Variants in PPP1R10 observed in about 807,000 individuals in gnomAD.
PPP1R10 encodes protein phosphatase 1 regulatory subunit 10.
Under a neutral mutation model 99.0 loss-of-function variants are expected in PPP1R10, and 15 were observed. The observed-to-expected ratio is 0.15, with a 90% confidence interval of 0.10 to 0.23. The LOEUF is 0.23. Among genes scored for constraint, PPP1R10 ranks in the 10% least tolerant of loss-of-function variants. The pLI, the probability that PPP1R10 is intolerant of heterozygous loss-of-function variation, is 1.00. For synonymous variants in PPP1R10, 430 were observed against 449.5 expected (o/e 0.96, Z 0.55); for missense variants, 947 against 1,259.4 (o/e 0.75, Z 3.75).
rs927051465 is a variant in PPP1R10, at chr6:30,608,839, G to A, written c.270C>T (p.Leu90=). The A allele has an allele frequency of 1.2e-6, 2 of 1,613,988 alleles. No individual in the cohort carries two copies. Among genetic ancestry groups the A allele is most frequent in the Admixed American group, 1.7e-5 (1 of 60,000 alleles). Residue 90 remains leucine (L), a synonymous_variant, in exon 5 of 20, where the codon CTC becomes CTT. Transcript: ENST00000376511. The stretch of plus-strand genomic sequence containing the variant: ...GCAGGGTCAGTAGAATTTGCTGGAG[G>A]AGGGGAATGTTGTTGGTTGTCTTTG... ...TYSKTTNNIP[L]LQQILLTLQH...
rs201013050 is a variant in PPP1R10 at position 30,603,536 on chromosome 6, C to A, written c.1703G>T (p.Gly568Val). Residue 568 changes from glycine to valine, a missense_variant, in exon 16 of 20, where the codon GGA (glycine) becomes GTA (valine). Gly to Val is a moderately radical substitution (Grantham distance 109). Coordinates refer to ENST00000376511, the MANE Select transcript of PPP1R10 (RefSeq NM_002714.4). ...LANLMGSMGA[G>V]KGPQGPGGGG... Reference sequence around the variant, plus strand: ...TCCTCCAGGGCCTTGGGGGCCCTTTCCAGCACCCATGCTTCCCATAAGATT... The same window carrying A: ...TCCTCCAGGGCCTTGGGGGCCCTTTACAGCACCCATGCTTCCCATAAGATT... 11 of 1,614,024 alleles carry A rather than the reference C, an allele frequency of 6.8e-6. No individual in the cohort carries two copies. Among genetic ancestry groups the A allele is most frequent in the African/African-American group, 1.3e-5 (1 of 75,018 alleles).
chr6:30,601,619 TTCA>T lies in PPP1R10; in HGVS notation c.2750_2752del (p.Met917del). The T allele has an allele frequency of 6.2e-7, 1 of 1,614,060 alleles. No homozygotes were observed. Among genetic ancestry groups the T allele is most frequent in the Non-Finnish European group, 8.5e-7 (1 of 1,179,996 alleles). ...GTTGTTCTCATAGCGGCAGTTGCCC[TTCA>T]TCATGAAATGTCGGCAGACAGGGCG... On this transcript the variant is annotated inframe_deletion, in exon 20 of 20. Coordinates refer to ENST00000376511, the MANE Select transcript of PPP1R10 (RefSeq NM_002714.4).
chr6:30,603,593 G>C lies in PPP1R10; in HGVS notation c.1646C>G (p.Ala549Gly), dbSNP rs747594377. ...PGGSGGSPDG[A>G]GGSKLPPVLA... is the part of the protein sequence containing the mutation. ...AACTGGAGGCAACTTGGAGCCTCCT[G>C]CCCCATCAGGTGAGCCACCTGACCC... The change falls in exon 16 of 20, where the codon GCA (alanine) becomes GGA (glycine). Residue 549 changes from alanine to glycine, a missense_variant. Around this residue, in one of 10 missense-constraint regions of PPP1R10, gnomAD observed 525 missense variants for 578.8 expected, o/e 0.91. Transcript: ENST00000376511. 1.2e-6 allele frequency: 2 copies of C among 1,613,996 alleles called. No individual in the cohort carries two copies. The highest frequency in any genetic ancestry group is 1.7e-6 in the Non-Finnish European group (2 of 1,179,980).
intron 17 of PPP1R10, 78 bp downstream of exon 17, chr6:30,603,132 C>G (rs115572251): frequency 6.6e-7 from 1 of 1,511,026 alleles, no homozygotes; most frequent in African/African-American, 1.4e-5. Flanking sequence ...TATTCTTCTG[C>G]ATCTTTGAAA....
Position 30,601,002 on chromosome 6 carries a change from G to A in PPP1R10, c.*547C>T, listed in dbSNP as rs1803254829. The A allele has an allele frequency of 6.5e-6, 1 of 153,234 alleles. No individual in the cohort carries two copies. The highest frequency in any genetic ancestry group is 6.5e-5 in the Admixed American group (1 of 15,362). The allele number at this position is 153,234 out of a possible 1,614,324, so 9.5% of individuals were successfully genotyped here. Reference sequence around the variant, plus strand: ...AGAATGGTGAGCCCACGCTGGGGGAGGGGTGGGGATGATGTGTGTTCCAGA... The same window carrying A: ...AGAATGGTGAGCCCACGCTGGGGGAAGGGTGGGGATGATGTGTGTTCCAGA... On this transcript the variant is annotated 3_prime_UTR_variant, in exon 20 of 20. Transcript: ENST00000376511.
Position 30,601,436 on chromosome 6 carries a change from G to A in PPP1R10, c.*113C>T. On this transcript the variant is annotated 3_prime_UTR_variant, in exon 20 of 20. Transcript: ENST00000376511. Reference sequence around the variant, plus strand: ...AAGCAAGTGGGAACTGAGGGGGCCGGCTCCTCATCAGCTGGGGAAAAGGGA... The same window carrying A: ...AAGCAAGTGGGAACTGAGGGGGCCGACTCCTCATCAGCTGGGGAAAAGGGA... 2.3e-6 allele frequency: 2 copies of A among 852,272 alleles called. No homozygotes were observed. The highest frequency in any genetic ancestry group is 3.7e-6 in the Non-Finnish European group (2 of 537,812). 52.8% of individuals were successfully genotyped at this position (852,272 alleles called of 1,614,324 possible).
Position 30,602,904 on chromosome 6 carries a change from AC to A in PPP1R10, c.1898del (p.Gly633ValfsTer284). 1 of 1,531,796 alleles carries A rather than the reference AC, an allele frequency of 6.5e-7. No homozygotes were observed. Among genetic ancestry groups the A allele is most frequent in the Non-Finnish European group, 8.8e-7 (1 of 1,130,310 alleles). 94.9% of individuals were successfully genotyped at this position (1,531,796 alleles called of 1,614,324 possible). ...GPIANGFPPGGPGGPKGMQHF... is the reference protein window; with the variant it reads ...GPIANGFPPGXPGGPKGMQHF... The stretch of plus-strand genomic sequence containing the variant: ...GCTGCATGCCCTTGGGGCCCCCAGG[AC>A]CCCCTGGTGGGAAACCATTGGCTAT... On this transcript the variant is annotated frameshift_variant, in exon 18 of 20. Coordinates refer to ENST00000376511, the MANE Select transcript of PPP1R10 (RefSeq NM_002714.4). LOFTEE classifies it high-confidence loss of function. The surrounding 1 kb of genome is among the most constrained non-coding windows in gnomAD (Gnocchi z 6.7).
rs760596999 is a variant in PPP1R10 at position 30,606,784 on chromosome 6, G to A, written c.455C>T (p.Pro152Leu). The change falls in exon 7 of 20, where the codon CCT becomes CTT. Residue 152 changes from proline to leucine, a missense_variant. Physicochemically the swap from Pro to Leu is moderately conservative, Grantham distance 98. This residue lies in a region of PPP1R10 where 92 missense variants were observed against 159.2 expected (regional missense o/e 0.58). Coordinates refer to ENST00000376511, the MANE Select transcript of PPP1R10 (RefSeq NM_002714.4). This position sits in a 1 kb window ranked among gnomAD's most constrained non-coding sequence, Gnocchi z 6.3. ...TAAAGGACTAAGGAGCTTACCAGCA[G>A]GCTGGGTACTGCTCTGAGAGCGGAT... Reference protein sequence around the residue: ...AVIRSQSSTQPAEKDKKKRKD... With the variant: ...AVIRSQSSTQLAEKDKKKRKD... 4.0e-5 allele frequency: 64 copies of A among 1,613,980 alleles called. No individual in the cohort carries two copies. The highest frequency in any genetic ancestry group is 5.4e-5 in the Non-Finnish European group (64 of 1,179,858).
intron 17 of PPP1R10, 35 bp downstream of exon 17, chr6:30,603,175 T>TC (rs1232261293): frequency 3.2e-6 from 5 of 1,576,602 alleles, no homozygotes; most frequent in Non-Finnish European, 4.4e-6. Context: ...GCAGGCTTCC[T>TC]CCCCCAGTCC....
intron 17 of PPP1R10, 79 bp from the exon 18 acceptor site, chr6:30,603,038 G>A (rs1803535669): frequency 1.4e-6 from 2 of 1,416,650 alleles, no homozygotes; most frequent in Admixed American, 4.3e-5. Context: ...GCAACCAACT[G>A]ACCCTCTCAA....
chr6:30,602,715 AC>A lies in PPP1R10; in HGVS notation c.1958-25del, dbSNP rs777636941. ...ACCTGTAAGGGGACAAAAAAGAGAG[AC>A]AGTATCAGCTACCAGGAACTGCCAT... On this transcript the variant is annotated intron_variant, in intron 18 of 19. Transcript: ENST00000376511. The surrounding 1 kb of genome is among the most constrained non-coding windows in gnomAD (Gnocchi z 6.7). 1.9e-6 allele frequency: 3 copies of A among 1,601,956 alleles called. No individual in the cohort carries two copies. Among genetic ancestry groups the A allele is most frequent in the Non-Finnish European group, 2.6e-6 (3 of 1,175,292 alleles).
rs956129706 is a variant in PPP1R10, at chr6:30,607,729, G to A, written c.382+111C>T. On this transcript the variant is annotated intron_variant, in intron 6 of 19. Transcript: ENST00000376511. ...TTAAAAGAAGGAAAAAAAGCAAGGT[G>A]AGGTAGAAAGAGAAAAGTGAAGGGA... 4.3e-6 allele frequency: 5 copies of A among 1,176,314 alleles called. No individual in the cohort carries two copies. In the African/African-American group the frequency reaches 7.7e-5, roughly 18 times the overall value. The allele number at this position is 1,176,314 out of a possible 1,614,324, so 72.9% of individuals were successfully genotyped here.
Position 30,609,005 on chromosome 6 carries a change from A to G in PPP1R10, c.194+72T>C. 6.2e-7 allele frequency: 1 copy of G among 1,610,960 alleles called. No individual in the cohort carries two copies. The highest frequency in any genetic ancestry group is 8.5e-7 in the Non-Finnish European group (1 of 1,177,366). ...AATCCCAGTCTCCCATCAATGACCG[A>G]GGAACCCCATGCCTCACCGCCCCAT... On this transcript the variant is annotated intron_variant, in intron 4 of 19. Coordinates refer to ENST00000376511, the MANE Select transcript of PPP1R10 (RefSeq NM_002714.4). This position sits in a 1 kb window ranked among gnomAD's most constrained non-coding sequence, Gnocchi z 4.5.
At position 30,603,575 on chromosome 6, in the gene PPP1R10, G is replaced by A; in HGVS notation, c.1664C>T (p.Pro555Leu). The change falls in exon 16 of 20, where the codon CCT becomes CTT. Residue 555 changes from proline (P) to leucine (L), a missense_variant. Around this residue, in one of 10 missense-constraint regions of PPP1R10, gnomAD observed 525 missense variants for 578.8 expected, o/e 0.91. Transcript: ENST00000376511. Reference protein sequence around the residue: ...SPDGAGGSKLPPVLANLMGSM... With the variant: ...SPDGAGGSKLLPVLANLMGSM... ...TCCCATAAGATTGGCCAGAACTGGA[G>A]GCAACTTGGAGCCTCCTGCCCCATC... The A allele has an allele frequency of 6.2e-7, 1 of 1,614,092 alleles. No individual in the cohort carries two copies. The highest frequency in any genetic ancestry group is 8.5e-7 in the Non-Finnish European group (1 of 1,180,004).
In PPP1R10 at chr6:30,602,568, C is replaced by T. The variant is rs1803468310; in HGVS notation, c.2081G>A (p.Gly694Glu). 2 of 1,564,442 alleles carry T rather than the reference C, an allele frequency of 1.3e-6. No homozygotes were observed. Among genetic ancestry groups the T allele is most frequent in the Non-Finnish European group, 1.7e-6 (2 of 1,157,834 alleles). The stretch of plus-strand genomic sequence containing the variant: ...TGGTCCAGGACCTGGTCCTGGACCC[C>T]CCCGCATTGGGCCACCCCGCATAGG... ...GDPMRGGPMR[G>E]GPGPGPGPYH... Residue 694 changes from glycine to glutamate, a missense_variant, in exon 19 of 20, where the codon GGG (glycine) becomes GAG (glutamate). Around this residue, in one of 10 missense-constraint regions of PPP1R10, gnomAD observed 525 missense variants for 578.8 expected, o/e 0.91. Coordinates refer to ENST00000376511, the MANE Select transcript of PPP1R10 (RefSeq NM_002714.4). This position sits in a 1 kb window ranked among gnomAD's most constrained non-coding sequence, Gnocchi z 6.7.
At position 30,606,131 on chromosome 6, in the gene PPP1R10, T is replaced by C; in HGVS notation, c.740+7A>G. ...CCCCATTCAGAGCCTGAGAATATGG[T>C]CCATACCTCTGACGTTTGAGGGGGA... On this transcript the variant is annotated splice_region_variant and intron_variant, in intron 9 of 19. Coordinates refer to ENST00000376511, the MANE Select transcript of PPP1R10 (RefSeq NM_002714.4). This position sits in a 1 kb window ranked among gnomAD's most constrained non-coding sequence, Gnocchi z 6.3. 2 of 1,613,922 alleles carry C rather than the reference T, an allele frequency of 1.2e-6. No homozygotes were observed. Among genetic ancestry groups the C allele is most frequent in the South Asian group, 1.1e-5 (1 of 91,074 alleles).
At position 30,611,826 on chromosome 6, in the gene PPP1R10, G is replaced by A. The variant is rs555136569; in HGVS notation, c.-11-1871C>T. Among the ~76,000 whole-genome samples, 157 of 152,208 alleles carry A rather than the reference G, an allele frequency of 1.0e-3. No homozygotes were observed. In the Middle Eastern group the frequency reaches 0.017, roughly 16 times the overall value. The stretch of plus-strand genomic sequence containing the variant: ...TCCACAAATACAAGTGGAACCTGAG[G>A]TCAGAGAAAAAACATTCAAGGAGAA... On this transcript the variant is annotated intron_variant, in intron 2 of 19. Coordinates refer to ENST00000376511, the MANE Select transcript of PPP1R10 (RefSeq NM_002714.4).
chr6:30,608,424 C>A (rs1331915459), intron 5 of PPP1R10, among the ~76,000 whole-genome samples: 1 of 151,984 alleles, frequency 6.6e-6, no homozygotes, highest in African/African-American at 2.4e-5. Context: ...GCCTCAGCCT[C>A]CTGATTAGCT....
chr6:30,603,078 T>C, intron 17 of PPP1R10, 119 bp from the exon 18 acceptor site: 1 of 1,391,290 alleles, frequency 7.2e-7, no homozygotes, highest in South Asian at 1.2e-5. Flanking sequence ...GCTCTCTCTG[T>C]CCAGTCTTCC....
Sources: gnomAD v4.1 joint callset for allele counts (sites outside exome capture counted in the v4.1 genomes callset) on GRCh38, gnomAD v4.1.1 for gene constraint, gnomAD v4.1.1 regional missense constraint, Gnocchi (gnomAD v3.1) non-coding constraint, MANE v1.5 for transcripts, NCBI Gene and HGNC (gene_info 2026-07-23, HGNC 2026-07-21) for gene names.